The following CAMKK2 variants were observed in gnomAD, a reference collection of about 807,000 sequenced individuals.
CAMKK2 encodes the protein calcium/calmodulin dependent protein kinase kinase 2.
CAMKK2 carries 30 observed loss-of-function variants against 67.2 expected under a neutral mutation model. That is an observed-to-expected ratio of 0.45 (90% CI 0.33 to 0.61). CAMKK2 has a LOEUF of 0.61. Among genes scored for constraint, CAMKK2 ranks in the 20% least tolerant of loss-of-function variants. The pLI, the probability that CAMKK2 is intolerant of heterozygous loss-of-function variation, is 0.02. For synonymous variants in CAMKK2, 322 were observed against 326.2 expected (o/e 0.99, Z 0.14); for missense variants, 643 against 802.0 (o/e 0.80, Z 2.39).
rs200455303 is a variant in CAMKK2 at position 121,274,795 on chromosome 12, CT to C, written c.-59-211del. On this transcript the variant is annotated intron_variant, in intron 1 of 16. Coordinates refer to ENST00000404169, the MANE Select transcript of CAMKK2 (RefSeq NM_001270485.2). Reference sequence around the variant, plus strand: ...TATATTTTTTCTTTTATTATTTTTTCTTTTTTTTTCTTTTTTTTTTTTTTGA... The same window carrying C: ...TATATTTTTTCTTTTATTATTTTTTCTTTTTTTTCTTTTTTTTTTTTTTGA... Among the ~76,000 whole-genome samples, 372 of 117,134 alleles carry C rather than the reference CT, an allele frequency of 3.2e-3. 3 individuals are homozygous for C. Among genetic ancestry groups the C allele is most frequent in the Admixed American group, 0.018 (224 of 12,466 alleles). The allele number at this position is 117,134 out of a possible 152,430, so 76.8% of individuals were successfully genotyped here.
chr12:121,284,249 G>A (rs1029486170), intron 1 of CAMKK2, among the ~76,000 whole-genome samples: 1 of 152,250 alleles, frequency 6.6e-6, no homozygotes, highest in Non-Finnish European at 1.5e-5. Flanking sequence ...TTACTGATTT[G>A]CCCAAAGTCA....
At chr12:121,274,627 C>T (rs1410439603) in intron 1 of CAMKK2, 42 bp from the exon 2 acceptor site, 6 of 783,554 alleles carry the variant, frequency 7.7e-6, no homozygotes, top group African/African-American at 5.2e-5. Flanking sequence ...CTCCTACGGG[C>T]AGGGACAGGA....
At chr12:121,246,563 G>A in intron 14 of CAMKK2, among the ~76,000 whole-genome samples, 1 of 151,890 alleles carries the variant, frequency 6.6e-6, no homozygotes, top group East Asian at 1.9e-4. Context: ...AAAAGAGAGA[G>A]AGAATGAAGG....
At position 121,245,595 on chromosome 12, in the gene CAMKK2, C is replaced by A. The variant is rs1208396584; in HGVS notation, c.1453-355G>T. Among the ~76,000 whole-genome samples the A allele has an allele frequency of 6.6e-6, 1 of 152,152 alleles. No homozygotes were observed. The highest frequency in any genetic ancestry group is 6.5e-5 in the Admixed American group (1 of 15,284). ...AGGGGTCTGGAACTTGGCCTGTGGTCAGCCAGAGAGCCCCGGAAAGTTCTG... is the reference window on the plus strand; with the variant it reads ...AGGGGTCTGGAACTTGGCCTGTGGTAAGCCAGAGAGCCCCGGAAAGTTCTG... On this transcript the variant is annotated intron_variant, in intron 14 of 16. Transcript: ENST00000404169. The surrounding 1 kb of genome is among the most constrained non-coding windows in gnomAD (Gnocchi z 5.8).
Position 121,296,488 on chromosome 12 carries a change from G to C in CAMKK2, c.-60+150C>G, listed in dbSNP as rs1023321077. Reference sequence around the variant, plus strand: ...GGCGGGGCGTGGGGAGGCGCACGTGGGGTCCCTCCGTGTTGGGAGCCCCAG... The same window carrying C: ...GGCGGGGCGTGGGGAGGCGCACGTGCGGTCCCTCCGTGTTGGGAGCCCCAG... On this transcript the variant is annotated intron_variant, in intron 1 of 16. Transcript: ENST00000404169. The surrounding 1 kb of genome is among the most constrained non-coding windows in gnomAD (Gnocchi z 7.1). 6.6e-6 allele frequency: 1 copy of C among 151,906 alleles called. No individual in the cohort carries two copies. The highest frequency in any genetic ancestry group is 2.1e-4 in the South Asian group (1 of 4,832). 9.4% of individuals were successfully genotyped at this position (151,906 alleles called of 1,614,324 possible).
At chr12:121,277,597 G>A (rs570179728) in intron 1 of CAMKK2, among the ~76,000 whole-genome samples, 2 of 152,282 alleles carry the variant, frequency 1.3e-5, no homozygotes, top group South Asian at 2.1e-4. Flanking sequence ...GAACCGTGAA[G>A]ACATACGCTA....
At chr12:121,268,831 G>C (rs1342133306) in intron 4 of CAMKK2, 142 bp from the exon 5 acceptor site, 1 of 742,114 alleles carries the variant, frequency 1.3e-6, no homozygotes, top group Non-Finnish European at 2.4e-6. Flanking sequence ...GGTCAACAGA[G>C]TGAGCCCCTC....
rs11292057 is a variant in CAMKK2, at chr12:121,272,701, T to TA, written c.471+1354dup. On this transcript the variant is annotated intron_variant, in intron 2 of 16. Transcript: ENST00000404169. ...AACATGGCATTACCCCATCTCTACT[T>TA]AAAAAAAAAAAAAAAAAAAAAAATT... 3.2e-3 allele frequency among the ~76,000 whole-genome samples: 375 copies of TA among 117,446 alleles called. 2 individuals carry two copies. Among genetic ancestry groups the TA allele is most frequent in the East Asian group, 5.4e-3 (22 of 4,066 alleles). The allele number at this position is 117,446 out of a possible 152,430, so 77.0% of individuals were successfully genotyped here. A position where few individuals can be genotyped will look rare whatever the true frequency, so the allele number is the denominator to read the frequency against.
Position 121,248,591 on chromosome 12 carries a change from G to T in CAMKK2, c.1452+15C>A, listed in dbSNP as rs1305824612. 3.7e-6 allele frequency: 6 copies of T among 1,614,110 alleles called. No individual in the cohort carries two copies. In the South Asian group the frequency reaches 6.6e-5, roughly 18 times the overall value. On this transcript the variant is annotated intron_variant, in intron 14 of 16. Transcript: ENST00000404169. ...CCTGGGTCCCTGCTCTGGGTCAGGG[G>T]TCCATCCACCTTACCACGGTTGCCA...
intron 2 of CAMKK2, among the ~76,000 whole-genome samples, chr12:121,271,752 G>A (rs187175189): frequency 1.1e-4 from 17 of 152,168 alleles, no homozygotes; most frequent in South Asian, 4.2e-4. Context: ...TTGTTGCCCA[G>A]GCTGGAGTGC....
At chr12:121,269,774 C>G (rs1032965842) in intron 3 of CAMKK2, 193 bp from the exon 4 acceptor site, 1 of 570,098 alleles carries the variant, frequency 1.8e-6, no homozygotes, top group African/African-American at 1.9e-5. Context: ...CTGGGCGGAG[C>G]GCAGTGGCTC....
chr12:121,269,449 T>G lies in CAMKK2; in HGVS notation c.573+79A>C. 3.4e-6 allele frequency: 4 copies of G among 1,175,068 alleles called. No individual in the cohort carries two copies. In the Middle Eastern group the frequency reaches 7.7e-4, roughly 228 times the overall value. The allele number at this position is 1,175,068 out of a possible 1,614,324, so 72.8% of individuals were successfully genotyped here. ...AAAATGAGACAACAGCTAGGAAAAC[T>G]TTCCAGGAAGCTGAGTGCTGGAAAG... On this transcript the variant is annotated intron_variant, in intron 4 of 16. Transcript: ENST00000404169.
Position 121,245,343 on chromosome 12 carries a change from C to G in CAMKK2, c.1453-103G>C. 1 of 746,838 alleles carries G rather than the reference C, an allele frequency of 1.3e-6. No homozygotes were observed. The highest frequency in any genetic ancestry group is 2.8e-5 in the East Asian group (1 of 36,348). The allele number at this position is 746,838 out of a possible 1,614,324, so 46.3% of individuals were successfully genotyped here. A position where few individuals can be genotyped will look rare whatever the true frequency, so the allele number is the denominator to read the frequency against. On this transcript the variant is annotated intron_variant, in intron 14 of 16. Coordinates refer to ENST00000404169, the MANE Select transcript of CAMKK2 (RefSeq NM_001270485.2). The surrounding 1 kb of genome is among the most constrained non-coding windows in gnomAD (Gnocchi z 5.8). ...TCCTTCTCCCCAGCCCCTGCCAGCT[C>G]CCAGGGCTGGTGACCGATGGCAGAC...
At chr12:121,252,836 G>T in intron 10 of CAMKK2, 122 bp from the exon 11 acceptor site, 1 of 920,268 alleles carries the variant, frequency 1.1e-6, no homozygotes. Flanking sequence ...GACCAATCTT[G>T]TCTCCTAGGC....
At chr12:121,256,264 A>C (rs1219299681) in intron 7 of CAMKK2, among the ~76,000 whole-genome samples, 1 of 152,190 alleles carries the variant, frequency 6.6e-6, no homozygotes, top group Non-Finnish European at 1.5e-5. Flanking sequence ...CTGTAATCCC[A>C]GCTACTTGGG....
In CAMKK2 at chr12:121,253,385, C is replaced by T; in HGVS notation, c.995G>A (p.Gly332Asp). ...EDGHIKIADF[G>D]VSNEFKGSDA... Reference sequence around the variant, plus strand: ...ACTGCCCTTGAATTCATTGCTCACACCAAAGTCAGCGATCTTGATGTGCCC... The same window carrying T: ...ACTGCCCTTGAATTCATTGCTCACATCAAAGTCAGCGATCTTGATGTGCCC... The change falls in exon 10 of 17, where the codon GGT becomes GAT. Residue 332 changes from glycine to aspartate, a missense_variant. Physicochemically the swap from Gly to Asp is moderately conservative, Grantham distance 94 (BLOSUM62 -1). This residue lies in a region of CAMKK2 where 483 missense variants were observed against 625.8 expected (regional missense o/e 0.77). Coordinates refer to ENST00000404169, the MANE Select transcript of CAMKK2 (RefSeq NM_001270485.2). The surrounding 1 kb of genome is among the most constrained non-coding windows in gnomAD (Gnocchi z 5.0). 1 of 1,614,124 alleles carries T rather than the reference C, an allele frequency of 6.2e-7. No individual in the cohort carries two copies. The highest frequency in any genetic ancestry group is 8.5e-7 in the Non-Finnish European group (1 of 1,180,018).
intron 1 of CAMKK2, among the ~76,000 whole-genome samples, chr12:121,282,889 G>A (rs1307402610): frequency 3.9e-5 from 6 of 151,994 alleles, no homozygotes; most frequent in African/African-American, 1.5e-4. Context: ...TGAGTAGTTG[G>A]GATTACAGGC....
At chr12:121,258,559 C>T (rs1390243146) in intron 7 of CAMKK2, among the ~76,000 whole-genome samples, 2 of 152,146 alleles carry the variant, frequency 1.3e-5, no homozygotes, top group Non-Finnish European at 2.9e-5. Flanking sequence ...ACCTACTACC[C>T]GGCCTCATGC....
chr12:121,288,439 T>A (rs538154875), intron 1 of CAMKK2, among the ~76,000 whole-genome samples: 1 of 151,946 alleles, frequency 6.6e-6, no homozygotes, highest in African/African-American at 2.4e-5. Flanking sequence ...GGGCCCAACG[T>A]CCCCACACCT....
Sources: gnomAD v4.1 joint callset for allele counts (sites outside exome capture counted in the v4.1 genomes callset) on GRCh38, gnomAD v4.1.1 for gene constraint, gnomAD v4.1.1 regional missense constraint, Gnocchi (gnomAD v3.1) non-coding constraint, MANE v1.5 for transcripts, NCBI Gene and HGNC (gene_info 2026-07-23, HGNC 2026-07-21) for gene names.